Variants in DYNC2H1 observed in about 807,000 individuals in gnomAD.
DYNC2H1 encodes the protein cytoplasmic dynein 2 heavy chain 1.
Under a neutral mutation model 570.0 loss-of-function variants are expected in DYNC2H1, and 410 were observed. The ratio of observed to expected loss-of-function variants is 0.72; its 90% CI spans 0.66 to 0.78. The LOEUF (loss-of-function observed/expected upper bound fraction) is 0.78, where lower values mean the gene tolerates loss of function less well. DYNC2H1 is among the 30% of genes least tolerant of loss of function. The probability of loss-of-function intolerance (pLI) is 0.00; values close to 1 mark genes in which losing one functional copy is unlikely to be tolerated. For synonymous variants in DYNC2H1, 1,688 were observed against 1,677.6 expected (o/e 1.01, Z -0.15); for missense variants, 4,865 against 5,046.4 (o/e 0.96, Z 1.09).
chr11:103,448,217 C>T (rs1395285998), intron 85 of DYNC2H1, among the ~76,000 whole-genome samples: 3 of 152,114 alleles, frequency 2.0e-5, no homozygotes, highest in Non-Finnish European at 4.4e-5. Flanking sequence ...GAGGAGCTTA[C>T]TACATTATCT....
At chr11:103,134,507 AAAAGT>A in intron 15 of DYNC2H1, 88 bp downstream of exon 15, 1 of 1,003,494 alleles carries the variant, frequency 1.0e-6, no homozygotes, top group Non-Finnish European at 1.4e-6. Context: ...AGAAGTTCAT[AAAAGT>A]TATCTTTAAA....
At position 103,110,406 on chromosome 11, in the gene DYNC2H1, G is replaced by GTT. The variant is rs569893855; in HGVS notation, c.195+646_195+647dup. 2.0e-5 allele frequency among the ~76,000 whole-genome samples: 3 copies of GTT among 147,358 alleles called. No individual in the cohort carries two copies. In the East Asian group the frequency reaches 5.9e-4, roughly 29 times the overall value. ...TTATTTTTTTCTCTCCCCTTTTTGA[G>GTT]TTTTTTTTTTGGGGGGAAGGCAAAT... is the stretch of plus-strand genomic sequence containing the variant. On this transcript the variant is annotated intron_variant, in intron 1 of 88. Transcript: ENST00000375735.
At chr11:103,296,519 A>G (rs1866833166) in intron 75 of DYNC2H1, among the ~76,000 whole-genome samples, 1 of 152,192 alleles carries the variant, frequency 6.6e-6, no homozygotes, top group African/African-American at 2.4e-5. Flanking sequence ...GGCTTTTACT[A>G]GCATTTTTGA....
At chr11:103,358,479 T>G in intron 83 of DYNC2H1, 120 bp downstream of exon 83, 3 of 638,576 alleles carry the variant, frequency 4.7e-6, no homozygotes, top group Non-Finnish European at 8.2e-6. Flanking sequence ...AACTGTGAAG[T>G]CATGGCCCAT....
chr11:103,240,571 T>C (rs990308820), intron 63 of DYNC2H1, among the ~76,000 whole-genome samples: 5 of 152,172 alleles, frequency 3.3e-5, no homozygotes, highest in African/African-American at 9.7e-5. Flanking sequence ...TCTTTACTTT[T>C]TTATTCAGTT....
At chr11:103,436,217 A>G (rs1000257378) in intron 85 of DYNC2H1, among the ~76,000 whole-genome samples, 185 bp downstream of exon 85, 2 of 148,188 alleles carry the variant, frequency 1.3e-5, no homozygotes, top group African/African-American at 5.1e-5. Context: ...TTTTTTTACA[A>G]AATGTGCTTT....
intron 54 of DYNC2H1, among the ~76,000 whole-genome samples, chr11:103,215,174 A>G (rs949340963): frequency 2.0e-5 from 3 of 151,980 alleles, no homozygotes; most frequent in African/African-American, 7.2e-5. Flanking sequence ...TGTGGCTTGG[A>G]CTTCTGGTAC....
chr11:103,469,895 GTGT>G (rs1565627504), intron 88 of DYNC2H1, among the ~76,000 whole-genome samples: 1 of 152,120 alleles, frequency 6.6e-6, no homozygotes, highest in Non-Finnish European at 1.5e-5. Flanking sequence ...AATTTGTCAA[GTGT>G]TGTGAATATA....
At chr11:103,474,291 C>T (rs1945482854) in intron 88 of DYNC2H1, among the ~76,000 whole-genome samples, 1 of 152,096 alleles carries the variant, frequency 6.6e-6, no homozygotes, top group Non-Finnish European at 1.5e-5. Flanking sequence ...GCTACTTGTA[C>T]ATACATTAGA....
At chr11:103,367,596 G>A (rs1374152424) in intron 83 of DYNC2H1, among the ~76,000 whole-genome samples, 1 of 152,070 alleles carries the variant, frequency 6.6e-6, no homozygotes, top group African/African-American at 2.4e-5. Context: ...TTTGTGGTGA[G>A]AATGTGGAAA....
chr11:103,236,612 G>A (rs182749936), intron 63 of DYNC2H1, 73 bp downstream of exon 63: 197 of 793,048 alleles, frequency 2.5e-4, no homozygotes, highest in African/African-American at 2.4e-3. Context: ...TGTGTTCTTC[G>A]TATTCTTAGT....
rs1373201330 is a variant in DYNC2H1, at chr11:103,321,265, A to G, written c.11934+28A>G. ...AGGTAAAATGAATGATTTTCAATCT[A>G]TTTCCAGGTAGATACGTGAATCATT... On this transcript the variant is annotated intron_variant, in intron 81 of 88. Transcript: ENST00000375735. 4 of 1,555,914 alleles carry G rather than the reference A, an allele frequency of 2.6e-6. No homozygotes were observed. In the African/African-American group the frequency reaches 4.1e-5, roughly 16 times the overall value.
intron 78 of DYNC2H1, 26 bp downstream of exon 78, chr11:103,307,857 C>T (rs752503053): frequency 7.2e-7 from 1 of 1,394,292 alleles, no homozygotes; most frequent in Non-Finnish European, 1.0e-6. Context: ...ACTTGGATCA[C>T]CAGTTGTATG....
intron 10 of DYNC2H1, among the ~76,000 whole-genome samples, chr11:103,121,789 T>C (rs1565316366): frequency 1.3e-5 from 2 of 152,042 alleles, no homozygotes; most frequent in Non-Finnish European, 2.9e-5. Flanking sequence ...AGAAAAATTA[T>C]TGTTTACAAA....
intron 84 of DYNC2H1, among the ~76,000 whole-genome samples, chr11:103,415,970 A>G (rs1411030844): frequency 1.3e-5 from 2 of 152,234 alleles, no homozygotes; most frequent in Non-Finnish European, 2.9e-5. Context: ...CTATGCAGAC[A>G]TAAAAAGGAT....
At chr11:103,276,515 T>A (rs896194969) in intron 70 of DYNC2H1, among the ~76,000 whole-genome samples, 2 of 152,032 alleles carry the variant, frequency 1.3e-5, no homozygotes, top group African/African-American at 4.8e-5. Flanking sequence ...GTGGGTTTTT[T>A]AAAAAACGCA....
intron 60 of DYNC2H1, among the ~76,000 whole-genome samples, chr11:103,232,104 C>A (rs1253716379): frequency 2.0e-5 from 3 of 151,886 alleles, no homozygotes; most frequent in African/African-American, 7.2e-5. Context: ...GTATTATTTT[C>A]ACTGTCATGT....
At chr11:103,117,258 TTATA>T (rs917097546) in intron 5 of DYNC2H1, among the ~76,000 whole-genome samples, 1 of 146,920 alleles carries the variant, frequency 6.8e-6, no homozygotes, top group African/African-American at 2.5e-5. Context: ...TATATATATT[TTATA>T]TATATATATT....
chr11:103,415,331 A>C (rs565133936), intron 84 of DYNC2H1, among the ~76,000 whole-genome samples: 1 of 152,358 alleles, frequency 6.6e-6, no homozygotes, highest in Non-Finnish European at 1.5e-5. Context: ...AGATCTAATT[A>C]AACTAAAGAG....
Sources: allele counts gnomAD v4.1 joint callset (sites outside exome capture counted in the v4.1 genomes callset), GRCh38; gene constraint gnomAD v4.1.1; transcripts MANE v1.5; gene names NCBI Gene and HGNC (gene_info 2026-07-23, HGNC 2026-07-21).